The following MB21D2 variants were observed in gnomAD, a reference collection of about 807,000 sequenced individuals.
MB21D2 encodes the protein nucleotidyltransferase MB21D2.
In MB21D2, 9 loss-of-function variants were observed where a neutral mutation model predicts 33.3. The observed-to-expected ratio is 0.27, with a 90% CI of 0.16 to 0.47. MB21D2 has a LOEUF of 0.47. Ranked by LOEUF, MB21D2 falls within the 20% of genes least tolerant of loss-of-function variation. The pLI is 0.99. For synonymous variants in MB21D2, 241 were observed against 236.3 expected, an observed-to-expected ratio of 1.02 and a Z score of -0.18; for missense variants, 540 against 624.6, an observed-to-expected ratio of 0.86 and a Z score of 1.44.
At position 192,799,283 on chromosome 3, in the gene MB21D2, G is replaced by A. The variant is rs1711506697; in HGVS notation, c.579C>T (p.Ser193=). 6.2e-7 allele frequency: 1 copy of A among 1,614,248 alleles called. No individual in the cohort carries two copies. The highest frequency in any genetic ancestry group is 8.5e-7 in the Non-Finnish European group (1 of 1,180,052). The change falls in exon 2 of 2, where the codon AGC becomes AGT. Residue 193 remains serine (S), a synonymous_variant. Coordinates refer to ENST00000392452, the MANE Select transcript of MB21D2 (RefSeq NM_178496.4). The surrounding 1 kb of genome is among the most constrained non-coding windows in gnomAD (Gnocchi z 4.1). ...TCTTCTGTATTTCTGATAGGACAAT[G>A]CTGATAGAGTCATAGAACCAGTCAG... ...KVADWFYDSI[S]IVLSEIQKKP...
At chr3:192,884,449 C>T (rs1178443388) in intron 1 of MB21D2, among the ~76,000 whole-genome samples, 6 of 151,792 alleles carry the variant, frequency 4.0e-5, no homozygotes, top group Admixed American at 3.3e-4. Context: ...TCACTGCAAG[C>T]TCCGCCTCCC....
intron 1 of MB21D2, among the ~76,000 whole-genome samples, chr3:192,913,958 C>G (rs1204153245): frequency 6.6e-6 from 1 of 152,118 alleles, no homozygotes; most frequent in East Asian, 1.9e-4. Context: ...AATAGGAGAT[C>G]TTATTATAGA....
In MB21D2 at chr3:192,914,046, AAAG is replaced by A. The variant is rs1167252763; in HGVS notation, c.211+3581_211+3583del. ...TAGCTAAAATCGAAACAAAATCCTG[AAAG>A]AAGTGATTTTTTAAAACAAAGCCTT... On this transcript the variant is annotated intron_variant, in intron 1 of 1. Transcript: ENST00000392452. Among the ~76,000 whole-genome samples the A allele has an allele frequency of 3.3e-5, 5 of 152,294 alleles. No individual in the cohort carries two copies. In the South Asian group the frequency reaches 8.3e-4, roughly 25 times the overall value.
chr3:192,914,490 T>C (rs1310640312), intron 1 of MB21D2, among the ~76,000 whole-genome samples: 1 of 152,184 alleles, frequency 6.6e-6, no homozygotes, highest in African/African-American at 2.4e-5. Flanking sequence ...ACAAAAGAGC[T>C]GGCAGAGACA....
chr3:192,851,580 C>A lies in MB21D2; in HGVS notation c.212-51930G>T, dbSNP rs575444547. Among the ~76,000 whole-genome samples, 4 of 149,682 alleles carry A rather than the reference C, an allele frequency of 2.7e-5. No individual in the cohort carries two copies. In the South Asian group the frequency reaches 8.5e-4, roughly 32 times the overall value. ...CACGATCTTGGCTCACTGAAACCTC[C>A]GTCTCCCGGATTCAAGCGATTCTCC... On this transcript the variant is annotated intron_variant, in intron 1 of 1. Transcript: ENST00000392452.
chr3:192,811,854 C>A (rs1410684425), intron 1 of MB21D2, among the ~76,000 whole-genome samples: 1 of 152,064 alleles, frequency 6.6e-6, no homozygotes, highest in African/African-American at 2.4e-5. Flanking sequence ...TTCAAACAGA[C>A]CTTACTTATA....
intron 1 of MB21D2, among the ~76,000 whole-genome samples, chr3:192,834,006 A>T (rs1712376035): frequency 6.6e-6 from 1 of 152,186 alleles, no homozygotes; most frequent in South Asian, 2.1e-4. Context: ...TGAACCAAGC[A>T]GCTTGAGGTC....
intron 1 of MB21D2, among the ~76,000 whole-genome samples, chr3:192,906,641 C>T (rs1714221411): frequency 6.6e-6 from 1 of 152,198 alleles, no homozygotes; most frequent in Non-Finnish European, 1.5e-5. Flanking sequence ...TGCCCACCAT[C>T]ATCATATTCT....
At chr3:192,864,984 C>T (rs1249886392) in intron 1 of MB21D2, among the ~76,000 whole-genome samples, 1 of 152,190 alleles carries the variant, frequency 6.6e-6, no homozygotes, top group Non-Finnish European at 1.5e-5. Flanking sequence ...AAAAACCAGA[C>T]AGAAGACATC....
At chr3:192,820,235 C>T (rs1021931492) in intron 1 of MB21D2, among the ~76,000 whole-genome samples, 3 of 152,116 alleles carry the variant, frequency 2.0e-5, no homozygotes, top group Admixed American at 6.5e-5. Flanking sequence ...AACCTTCAGA[C>T]AGATTTCTCT....
At chr3:192,813,889 A>G (rs768017153) in intron 1 of MB21D2, among the ~76,000 whole-genome samples, 19 of 152,202 alleles carry the variant, frequency 1.2e-4, no homozygotes, top group Non-Finnish European at 1.5e-5. Context: ...TGGGTTACTG[A>G]TAAGATTCCC....
intron 1 of MB21D2, among the ~76,000 whole-genome samples, chr3:192,863,573 G>A (rs1427421142): frequency 6.6e-6 from 1 of 152,108 alleles, no homozygotes; most frequent in African/African-American, 2.4e-5. Context: ...CTTCTGCAGT[G>A]CCCTATGAAG....
intron 1 of MB21D2, among the ~76,000 whole-genome samples, chr3:192,823,078 G>A (rs944219395): frequency 6.6e-6 from 1 of 152,146 alleles, no homozygotes; most frequent in African/African-American, 2.4e-5. Flanking sequence ...TTATAAGCCA[G>A]TATAATATTC....
In MB21D2 at chr3:192,884,395, C is replaced by T. The variant is rs748474599; in HGVS notation, c.211+33235G>A. 8.3e-4 allele frequency among the ~76,000 whole-genome samples: 126 copies of T among 151,988 alleles called. 1 individual carries two copies. Among genetic ancestry groups the T allele is most frequent in the Non-Finnish European group, 1.4e-3 (96 of 67,990 alleles). On this transcript the variant is annotated intron_variant, in intron 1 of 1. Transcript: ENST00000392452. ...TTTGTTGTTGTTGTTGAGACGGAGT[C>T]TTGCTCTGTCACCCAGGCTGGAGTG...
intron 1 of MB21D2, among the ~76,000 whole-genome samples, chr3:192,831,243 G>A (rs1712308499): frequency 6.6e-6 from 1 of 152,100 alleles, no homozygotes; most frequent in Non-Finnish European, 1.5e-5. Context: ...ATGAGCCGAG[G>A]CCTCCCAACT....
chr3:192,840,090 T>A (rs1712533531), intron 1 of MB21D2, among the ~76,000 whole-genome samples: 3 of 152,142 alleles, frequency 2.0e-5, no homozygotes, highest in African/African-American at 4.8e-5. Flanking sequence ...TAAAAATGTT[T>A]CAAAAAGAGA....
intron 1 of MB21D2, among the ~76,000 whole-genome samples, chr3:192,861,133 T>C (rs1397313977): frequency 6.6e-6 from 1 of 152,212 alleles, no homozygotes; most frequent in African/African-American, 2.4e-5. Flanking sequence ...TTGATGCTAT[T>C]ATTAACCCAA....
intron 1 of MB21D2, among the ~76,000 whole-genome samples, chr3:192,807,334 C>CAAAA: frequency 7.7e-6 from 1 of 129,208 alleles, no homozygotes; most frequent in Non-Finnish European, 1.7e-5. Context: ...CTTGAAAGGC[C>CAAAA]AAAAAAAAAA....
chr3:192,917,721 G>T lies in MB21D2; in HGVS notation c.120C>A (p.Ile40=), dbSNP rs776570459. The change falls in exon 1 of 2, where the codon ATC becomes ATA. Residue 40 remains isoleucine (I), a synonymous_variant. Transcript: ENST00000392452. ...GARVEELNKL[I]QEFTKHDQRE... ...GCTGGTCGTGCTTCGTAAATTCTTG[G>T]ATGAGTTTGTTCAATTCCTCCACCC... 78 of 1,614,022 alleles carry T rather than the reference G, an allele frequency of 4.8e-5. No individual in the cohort carries two copies. Among genetic ancestry groups the T allele is most frequent in the Non-Finnish European group, 6.5e-5 (77 of 1,180,046 alleles).
Sources: allele counts gnomAD v4.1 joint callset (sites outside exome capture counted in the v4.1 genomes callset), GRCh38; gene constraint gnomAD v4.1.1; non-coding constraint Gnocchi (gnomAD v3.1); transcripts MANE v1.5; gene names NCBI Gene and HGNC (gene_info 2026-07-23, HGNC 2026-07-21).